Variants in ETV6 observed in about 807,000 individuals in gnomAD.
ETV6 encodes ETS variant transcription factor 6.
Under a neutral mutation model 51.1 loss-of-function variants are expected in ETV6, and 16 were observed. The observed-to-expected ratio is 0.31, with a 90% CI of 0.21 to 0.48. The LOEUF is 0.48. Ranked by LOEUF, ETV6 falls within the 20% of genes least tolerant of loss-of-function variation. ETV6 has a pLI of 0.99. For missense variants in ETV6, 458 were observed against 594.8 expected, an observed-to-expected ratio of 0.77 and a Z score of 2.39; for synonymous variants, 240 against 224.1, an observed-to-expected ratio of 1.07 and a Z score of -0.64.
chr12:11,729,693 G>C (rs1161836801), intron 1 of ETV6, among the ~76,000 whole-genome samples: 2 of 152,100 alleles, frequency 1.3e-5, no homozygotes, highest in Non-Finnish European at 2.9e-5. Context: ...TCTTGACCTT[G>C]GTTAGATACT....
intron 1 of ETV6, among the ~76,000 whole-genome samples, chr12:11,694,619 A>G (rs922108039): frequency 4.6e-5 from 7 of 152,142 alleles, no homozygotes; most frequent in Non-Finnish European, 8.8e-5. Flanking sequence ...TCTCCTCCCT[A>G]TTAAACTTTT....
At chr12:11,888,296 C>T (rs1049565599) in intron 7 of ETV6, among the ~76,000 whole-genome samples, 5 of 152,136 alleles carry the variant, frequency 3.3e-5, no homozygotes, top group Admixed American at 1.3e-4. Context: ...ATGAGGCCTT[C>T]TTCAGCTGCT....
intron 7 of ETV6, 81 bp from the exon 8 acceptor site, chr12:11,890,859 CT>C: frequency 1.9e-6 from 2 of 1,058,994 alleles, no homozygotes; most frequent in Non-Finnish European, 2.9e-6. Flanking sequence ...TGGAGTCTTT[CT>C]TTATATACAG....
chr12:11,824,714 G>C (rs1011727027), intron 2 of ETV6, among the ~76,000 whole-genome samples: 1 of 152,222 alleles, frequency 6.6e-6, no homozygotes, highest in African/African-American at 2.4e-5. Flanking sequence ...GGAAGTTGCT[G>C]TGAGCCTAGA....
At position 11,813,839 on chromosome 12, in the gene ETV6, C is replaced by G. The variant is rs1945949838; in HGVS notation, c.164-25301C>G. On this transcript the variant is annotated intron_variant, in intron 2 of 7. Coordinates refer to ENST00000396373, the MANE Select transcript of ETV6 (RefSeq NM_001987.5). ...AGCCTGTGTGGTTCGAGGCCAGGGC[C>G]GTGGACATAGGATTAACCACAATAA... is the stretch of plus-strand genomic sequence containing the variant. 2.0e-5 allele frequency among the ~76,000 whole-genome samples: 3 copies of G among 152,164 alleles called. No homozygotes were observed. The South Asian group carries it at 6.2e-4, about 32-fold the overall frequency.
chr12:11,759,442 T>G (rs901937718), intron 2 of ETV6, among the ~76,000 whole-genome samples: 4 of 152,182 alleles, frequency 2.6e-5, no homozygotes, highest in African/African-American at 7.2e-5. Context: ...GTGTTATTTA[T>G]GTGAGCCCAG....
chr12:11,707,781 A>G lies in ETV6; in HGVS notation c.34-44669A>G, dbSNP rs112713648. On this transcript the variant is annotated intron_variant, in intron 1 of 7. Transcript: ENST00000396373. Reference sequence around the variant, plus strand: ...ACGTCATGGCACACAGGCATTGGCCATGGAGTGGTGATCCCTGGCTCTGGT... The same window carrying G: ...ACGTCATGGCACACAGGCATTGGCCGTGGAGTGGTGATCCCTGGCTCTGGT... Among the ~76,000 whole-genome samples the G allele has an allele frequency of 2.7e-4, 41 of 152,314 alleles. 1 individual carries two copies. The highest frequency in any genetic ancestry group is 9.9e-4 in the African/African-American group (41 of 41,566).
At chr12:11,746,891 A>AG (rs1865920005) in intron 1 of ETV6, among the ~76,000 whole-genome samples, 1 of 151,026 alleles carries the variant, frequency 6.6e-6, no homozygotes, top group Non-Finnish European at 1.5e-5. Flanking sequence ...TATCTGCTTG[A>AG]CAGAAGCAAT....
At chr12:11,853,135 C>T (rs1160053460) in intron 3 of ETV6, among the ~76,000 whole-genome samples, 1 of 152,150 alleles carries the variant, frequency 6.6e-6, no homozygotes, top group East Asian at 1.9e-4. Flanking sequence ...TGTAGTGAGC[C>T]GAGATCGTGC....
At chr12:11,774,762 G>A (rs1230886547) in intron 2 of ETV6, among the ~76,000 whole-genome samples, 21 of 152,198 alleles carry the variant, frequency 1.4e-4, no homozygotes, top group Non-Finnish European at 5.9e-5. Flanking sequence ...CCACGGTACT[G>A]AGGACCACAT....
intron 3 of ETV6, among the ~76,000 whole-genome samples, chr12:11,852,167 A>C (rs892661208): frequency 6.6e-6 from 1 of 152,158 alleles, no homozygotes; most frequent in Non-Finnish European, 1.5e-5. Context: ...TTCAGCTTGG[A>C]TCTAAGTCAA....
chr12:11,704,638 G>T (rs1302110452), intron 1 of ETV6, among the ~76,000 whole-genome samples: 1 of 152,090 alleles, frequency 6.6e-6, no homozygotes, highest in Non-Finnish European at 1.5e-5. Context: ...GAGCCACCAT[G>T]CCCAGCCTCC....
At chr12:11,712,914 C>A (rs1333876040) in intron 1 of ETV6, among the ~76,000 whole-genome samples, 1 of 152,184 alleles carries the variant, frequency 6.6e-6, no homozygotes, top group Non-Finnish European at 1.5e-5. Context: ...GGCCACTGTT[C>A]TTCATGCTTG....
chr12:11,788,781 A>G (rs1262132708), intron 2 of ETV6, among the ~76,000 whole-genome samples: 1 of 121,284 alleles, frequency 8.2e-6, no homozygotes, highest in Non-Finnish European at 1.7e-5. Context: ...TTTCATTTCT[A>G]AATATTATCT....
At position 11,891,558 on chromosome 12, in the gene ETV6, C is replaced by A. The variant is rs947672507; in HGVS notation, c.*512C>A. The A allele has an allele frequency of 1.9e-6, 1 of 533,950 alleles. No individual in the cohort carries two copies. Among genetic ancestry groups the A allele is most frequent in the African/African-American group, 1.9e-5 (1 of 53,472 alleles). 33.1% of individuals were successfully genotyped at this position (533,950 alleles called of 1,614,324 possible). On this transcript the variant is annotated 3_prime_UTR_variant, in exon 8 of 8. Transcript: ENST00000396373. The stretch of plus-strand genomic sequence containing the variant: ...GGGTTCAGGTTCCTCTTTTTCCTGC[C>A]ACGTGGATCAGGTCTGTTCCTGTTA...
At position 11,871,338 on chromosome 12, in the gene ETV6, G is replaced by A. The variant is rs561089674; in HGVS notation, c.1009+1369G>A. On this transcript the variant is annotated intron_variant, in intron 5 of 7. Transcript: ENST00000396373. ...TGAGTAGCTGCGACTACAGGCGCCC[G>A]CCACCATGCCCGGCTAATTTTTTTC... Among the ~76,000 whole-genome samples, 10 of 151,648 alleles carry A rather than the reference G, an allele frequency of 6.6e-5. No homozygotes were observed. The East Asian group carries it at 1.4e-3, about 21-fold the overall frequency.
At position 11,788,699 on chromosome 12, in the gene ETV6, T is replaced by C. The variant is rs188795753; in HGVS notation, c.163+36120T>C. Among the ~76,000 whole-genome samples, 3 of 152,254 alleles carry C rather than the reference T, an allele frequency of 2.0e-5. No individual in the cohort carries two copies. In the East Asian group the frequency reaches 5.8e-4, roughly 29 times the overall value. On this transcript the variant is annotated intron_variant, in intron 2 of 7. Coordinates refer to ENST00000396373, the MANE Select transcript of ETV6 (RefSeq NM_001987.5). ...ACCAGGGCAACCACATTCAAATCTT[T>C]TAACTGATTCTTTTGTCATTCACCT...
chr12:11,649,954 G>A lies in ETV6; in HGVS notation c.-174G>A, dbSNP rs981217203. ...CCGCCCCGCGCGCCCAACTCCGCCG[G>A]CCGCCCCGCCCCGCCCCGCGCGCTC... is the stretch of plus-strand genomic sequence containing the variant. On this transcript the variant is annotated 5_prime_UTR_variant, in exon 1 of 8. Transcript: ENST00000396373. 5.0e-6 allele frequency: 2 copies of A among 401,582 alleles called. No individual in the cohort carries two copies. The highest frequency in any genetic ancestry group is 2.1e-5 in the African/African-American group (1 of 47,666). The allele number at this position is 401,582 out of a possible 1,614,324, so 24.9% of individuals were successfully genotyped here. A position where few individuals can be genotyped will look rare whatever the true frequency, so the allele number is the denominator to read the frequency against.
chr12:11,807,370 T>A (rs1178847543), intron 2 of ETV6, among the ~76,000 whole-genome samples: 1 of 152,156 alleles, frequency 6.6e-6, no homozygotes, highest in Non-Finnish European at 1.5e-5. Context: ...TAGAGAAAAT[T>A]GGTAGAGTGA....
Sources: allele counts gnomAD v4.1 joint callset (sites outside exome capture counted in the v4.1 genomes callset), GRCh38; gene constraint gnomAD v4.1.1; transcripts MANE v1.5; gene names NCBI Gene and HGNC (gene_info 2026-07-23, HGNC 2026-07-21).